SNAP91: variants seen among roughly 807,000 people sequenced by gnomAD.
SNAP91 encodes the protein clathrin coat assembly protein AP180.
SNAP91 carries 27 observed loss-of-function variants against 100.3 expected under a neutral mutation model. The ratio of observed to expected loss-of-function variants is 0.27; its 90% CI spans 0.20 to 0.37. The LOEUF is 0.37. SNAP91 is among the 10% of genes least tolerant of loss of function. The pLI is 1.00. For synonymous variants in SNAP91, 404 were observed against 398.6 expected (o/e 1.01, Z -0.16); for missense variants, 986 against 1,123.7 (o/e 0.88, Z 1.75).
At chr6:83,570,616 G>A (rs1231801912) in intron 26 of SNAP91, among the ~76,000 whole-genome samples, 1 of 152,084 alleles carries the variant, frequency 6.6e-6, no homozygotes, top group South Asian at 2.1e-4. Context: ...GCAGTCTAGG[G>A]ACCTGGTGCC....
chr6:83,580,670 ACT>A (rs1183634402), intron 23 of SNAP91, 71 bp from the exon 24 acceptor site: 112 of 1,396,564 alleles, frequency 8.0e-5, no homozygotes, highest in Non-Finnish European at 9.3e-5. Flanking sequence ...TTAAAGTAAA[ACT>A]CTCTTTTGAT....
intron 8 of SNAP91, among the ~76,000 whole-genome samples, chr6:83,630,099 T>C (rs1045410505): frequency 6.6e-6 from 1 of 152,154 alleles, no homozygotes; most frequent in African/African-American, 2.4e-5. Flanking sequence ...TCTGCATCTA[T>C]TGAGATGATC....
chr6:83,686,219 C>T (rs1005192105), intron 2 of SNAP91: 14 of 984,794 alleles, frequency 1.4e-5, no homozygotes, highest in South Asian at 4.7e-5. Context: ...CTTCCTGCAC[C>T]GGGCCTGCAA....
intron 26 of SNAP91, among the ~76,000 whole-genome samples, chr6:83,566,259 T>C (rs1288656861): frequency 6.6e-6 from 1 of 152,110 alleles, no homozygotes; most frequent in Non-Finnish European, 1.5e-5. Flanking sequence ...TATTCTGAAA[T>C]TAGATAATGG....
intron 14 of SNAP91, among the ~76,000 whole-genome samples, chr6:83,604,567 T>G (rs2095493914): frequency 6.6e-6 from 1 of 152,166 alleles, no homozygotes. Flanking sequence ...ACTGACACAC[T>G]GTTTAACAAG....
intron 7 of SNAP91, among the ~76,000 whole-genome samples, chr6:83,653,188 C>G (rs2098274190): frequency 6.6e-6 from 1 of 152,086 alleles, no homozygotes; most frequent in South Asian, 2.1e-4. Flanking sequence ...CCCTTTCTCT[C>G]TTTTCCTTCT....
rs1034585401 is a variant in SNAP91, at chr6:83,554,283, C to A, written c.*13G>T. On this transcript the variant is annotated splice_region_variant and 3_prime_UTR_variant, in exon 30 of 30. Transcript: ENST00000369694. ...TTTTCCTATTCAGTCACAAATATTG[C>A]AGCTGTAAAGAAAACAAAAACTAGA... is the stretch of plus-strand genomic sequence containing the variant. 6.6e-6 allele frequency: 2 copies of A among 305,222 alleles called. No homozygotes were observed. The highest frequency in any genetic ancestry group is 5.0e-5 in the Admixed American group (1 of 20,130). 18.9% of individuals were successfully genotyped at this position (305,222 alleles called of 1,614,324 possible). A position where few individuals can be genotyped will look rare whatever the true frequency, so the allele number is the denominator to read the frequency against.
chr6:83,707,029 C>T (rs185512415), intron 2 of SNAP91, among the ~76,000 whole-genome samples: 2 of 152,250 alleles, frequency 1.3e-5, no homozygotes, highest in Admixed American at 1.3e-4. Context: ...CATCAAATAA[C>T]CAGTTACAAA....
chr6:83,642,360 C>A (rs2097746971), intron 7 of SNAP91, among the ~76,000 whole-genome samples: 1 of 152,064 alleles, frequency 6.6e-6, no homozygotes, highest in African/African-American at 2.4e-5. Flanking sequence ...CCACAACAGG[C>A]CCTGGTGTGT....
At chr6:83,681,838 G>A (rs1044337676) in intron 2 of SNAP91, among the ~76,000 whole-genome samples, 1 of 152,122 alleles carries the variant, frequency 6.6e-6, no homozygotes, top group Non-Finnish European at 1.5e-5. Flanking sequence ...ATGACAAATG[G>A]TGGCAAAAAT....
chr6:83,601,617 A>G lies in SNAP91; in HGVS notation c.1142-18T>C, dbSNP rs1182660284. 11 of 1,612,672 alleles carry G rather than the reference A, an allele frequency of 6.8e-6. No individual in the cohort carries two copies. The highest frequency in any genetic ancestry group is 8.5e-6 in the Non-Finnish European group (10 of 1,178,778). Reference sequence around the variant, plus strand: ...CAAAAGGTCTACCGATGTCCATTACATGGCAGCATAAGAATAAATAAGAGC... The same window carrying G: ...CAAAAGGTCTACCGATGTCCATTACGTGGCAGCATAAGAATAAATAAGAGC... On this transcript the variant is annotated intron_variant, in intron 14 of 29. Coordinates refer to ENST00000369694, the MANE Select transcript of SNAP91 (RefSeq NM_001242792.2).
intron 2 of SNAP91, 102 bp from the exon 3 acceptor site, chr6:83,665,683 A>G: frequency 9.8e-7 from 1 of 1,019,652 alleles, no homozygotes; most frequent in South Asian, 1.7e-5. Flanking sequence ...TATGACCTTA[A>G]AAGTACTTTG....
chr6:83,638,692 T>C (rs1490913109), intron 8 of SNAP91, among the ~76,000 whole-genome samples: 1 of 152,212 alleles, frequency 6.6e-6, no homozygotes, highest in East Asian at 1.9e-4. Context: ...TTCCATTAAA[T>C]GGATAATTGT....
chr6:83,594,769 G>T (rs994403418), intron 16 of SNAP91, among the ~76,000 whole-genome samples: 1 of 151,892 alleles, frequency 6.6e-6, no homozygotes, highest in African/African-American at 2.4e-5. Context: ...CATGTTTTAT[G>T]TATCATTAGA....
At position 83,612,471 on chromosome 6, in the gene SNAP91, G is replaced by C. The variant is rs1363889312; in HGVS notation, c.885-1794C>G. Among the ~76,000 whole-genome samples the C allele has an allele frequency of 2.6e-5, 4 of 152,216 alleles. No individual in the cohort carries two copies. In the East Asian group the frequency reaches 7.7e-4, roughly 29 times the overall value. On this transcript the variant is annotated intron_variant, in intron 11 of 29. Coordinates refer to ENST00000369694, the MANE Select transcript of SNAP91 (RefSeq NM_001242792.2). ...CTACAAAGAAAACATAGAAGCCTTT[G>C]GTATGGTCACTTTCTAAGAATGAAT...
chr6:83,589,072 T>C (rs1042505813), intron 22 of SNAP91, among the ~76,000 whole-genome samples: 2 of 152,236 alleles, frequency 1.3e-5, no homozygotes, highest in African/African-American at 4.8e-5. Context: ...ATGTTTGTAA[T>C]CACTAATCTC....
intron 24 of SNAP91, among the ~76,000 whole-genome samples, chr6:83,579,774 C>G (rs80343052): frequency 6.6e-6 from 1 of 152,088 alleles, no homozygotes; most frequent in Admixed American, 6.5e-5. Context: ...TAGATCATCA[C>G]GTAGTTTACC....
chr6:83,657,233 C>G (rs1331385157), intron 6 of SNAP91, among the ~76,000 whole-genome samples: 1 of 152,138 alleles, frequency 6.6e-6, no homozygotes, highest in Non-Finnish European at 1.5e-5. Flanking sequence ...AGGATTCAGG[C>G]TCCAGGGGCC....
At chr6:83,640,328 T>A (rs571804249) in intron 8 of SNAP91, among the ~76,000 whole-genome samples, 1 of 152,178 alleles carries the variant, frequency 6.6e-6, no homozygotes, top group Non-Finnish European at 1.5e-5. Context: ...ATGTCCCACA[T>A]CCACAGCATT....
Sources: allele counts gnomAD v4.1 joint callset (sites outside exome capture counted in the v4.1 genomes callset), GRCh38; gene constraint gnomAD v4.1.1; transcripts MANE v1.5; gene names NCBI Gene and HGNC (gene_info 2026-07-23, HGNC 2026-07-21).